CDS1: variants seen among roughly 807,000 people sequenced by gnomAD.
CDS1 encodes the protein phosphatidate cytidylyltransferase 1.
CDS1 carries 41 observed loss-of-function variants against 62.1 expected under a neutral mutation model. The ratio of observed to expected loss-of-function variants is 0.66; its 90% CI spans 0.51 to 0.86. The LOEUF (loss-of-function observed/expected upper bound fraction) is 0.86. CDS1 is among the 40% of genes least tolerant of loss of function. CDS1 has a pLI of 0.00. For missense variants in CDS1, 470 were observed against 550.1 expected (o/e 0.85, Z 1.46); for synonymous variants, 185 against 192.6 (o/e 0.96, Z 0.32).
chr4:84,628,394 C>T (rs1261309733), intron 5 of CDS1, among the ~76,000 whole-genome samples: 1 of 152,104 alleles, frequency 6.6e-6, no homozygotes, highest in African/African-American at 2.4e-5. Context: ...TCTGGCATAT[C>T]GAAGGTGCTT....
chr4:84,584,309 G>A (rs141891485), intron 1 of CDS1, among the ~76,000 whole-genome samples: 2,561 of 152,316 alleles, frequency 0.017, 69 homozygotes, highest in African/African-American at 0.06. Context: ...GTGAAGAAAT[G>A]CAGTTTTATG....
intron 2 of CDS1, among the ~76,000 whole-genome samples, chr4:84,607,479 C>T (rs551572380): frequency 1.5e-3 from 230 of 151,430 alleles, no homozygotes; most frequent in African/African-American, 5.3e-3. Context: ...AGTACCACCA[C>T]GCGCAGCTAA....
chr4:84,639,207 T>G (rs1053174314), intron 9 of CDS1, among the ~76,000 whole-genome samples: 1 of 152,192 alleles, frequency 6.6e-6, no homozygotes, highest in African/African-American at 2.4e-5. Context: ...TGTCTCAGCC[T>G]TATCCCAGGC....
rs1287763358 is a variant in CDS1 at position 84,584,450 on chromosome 4, AAGC to A, written c.117+935_117+937del. On this transcript the variant is annotated intron_variant, in intron 1 of 12. Transcript: ENST00000295887. ...AACTGTTTCTAGAAGCATACTTTGG[AAGC>A]AGGCATTGCAGTTTGAATTACAGAA... Among the ~76,000 whole-genome samples the A allele has an allele frequency of 2.6e-5, 4 of 152,340 alleles. No individual in the cohort carries two copies. The East Asian group carries it at 7.7e-4, about 29-fold the overall frequency.
chr4:84,645,579 A>G (rs1239131644), intron 12 of CDS1, among the ~76,000 whole-genome samples: 1 of 152,202 alleles, frequency 6.6e-6, no homozygotes, highest in African/African-American at 2.4e-5. Flanking sequence ...TGGATGGTAT[A>G]GGATTTGAAA....
chr4:84,608,465 C>T (rs775956572), intron 2 of CDS1, among the ~76,000 whole-genome samples: 39 of 152,246 alleles, frequency 2.6e-4, no homozygotes, highest in Non-Finnish European at 4.0e-4. Context: ...TGAGCCACCA[C>T]GCCCGGCCAA....
chr4:84,642,570 C>T (rs1724418494), intron 10 of CDS1, among the ~76,000 whole-genome samples: 3 of 152,008 alleles, frequency 2.0e-5, no homozygotes, highest in Admixed American at 2.0e-4. Flanking sequence ...TGTGTTTTTC[C>T]ACAGCATTCA....
chr4:84,637,066 A>G (rs574708855), intron 8 of CDS1, among the ~76,000 whole-genome samples: 54 of 152,136 alleles, frequency 3.5e-4, no homozygotes, highest in Non-Finnish European at 6.5e-4. Flanking sequence ...TCTTCCAAAA[A>G]CCTCTGTAAA....
At chr4:84,643,292 C>T (rs964775834) in intron 11 of CDS1, 149 bp downstream of exon 11, 5 of 643,502 alleles carry the variant, frequency 7.8e-6, no homozygotes, top group East Asian at 2.7e-5. Flanking sequence ...AATGCTGCCA[C>T]GTTGATCTGA....
chr4:84,634,335 T>A (rs1324823176), intron 7 of CDS1, among the ~76,000 whole-genome samples: 1 of 152,194 alleles, frequency 6.6e-6, no homozygotes, highest in Non-Finnish European at 1.5e-5. Flanking sequence ...AATGCATGTT[T>A]TTCTAGGTGA....
chr4:84,646,379 G>T (rs1724558399), intron 12 of CDS1, among the ~76,000 whole-genome samples: 1 of 151,624 alleles, frequency 6.6e-6, no homozygotes, highest in South Asian at 2.1e-4. Flanking sequence ...TCAATATGCT[G>T]TTCTTTTTTT....
intron 1 of CDS1, among the ~76,000 whole-genome samples, chr4:84,593,723 C>G (rs541303111): frequency 3.9e-5 from 6 of 152,042 alleles, no homozygotes; most frequent in Non-Finnish European, 8.8e-5. Flanking sequence ...AAGCTGGTCT[C>G]GAACTCCTGA....
At chr4:84,622,735 TGA>T (rs1323980846) in intron 5 of CDS1, among the ~76,000 whole-genome samples, 2 of 152,340 alleles carry the variant, frequency 1.3e-5, no homozygotes, top group South Asian at 2.1e-4. Context: ...CCCACCGCTT[TGA>T]GAGTTTTTCC....
At chr4:84,595,194 T>TTTTCTGGAGCTGG (rs1442766268) in intron 1 of CDS1, among the ~76,000 whole-genome samples, 1 of 152,104 alleles carries the variant, frequency 6.6e-6, no homozygotes, top group African/African-American at 2.4e-5. Flanking sequence ...CTGTTTCTTG[T>TTTTCTGGAGCTGG]TTTCTGGAGC....
At chr4:84,641,985 G>C (rs138351174) in intron 10 of CDS1, among the ~76,000 whole-genome samples, 4 of 152,136 alleles carry the variant, frequency 2.6e-5, no homozygotes, top group Non-Finnish European at 5.9e-5. Context: ...TATACTGCTA[G>C]TGTTTGATTA....
At chr4:84,607,325 C>T (rs927111440) in intron 2 of CDS1, among the ~76,000 whole-genome samples, 2 of 151,656 alleles carry the variant, frequency 1.3e-5, no homozygotes, top group African/African-American at 4.8e-5. Context: ...GCTCTGCCAC[C>T]CAGGCTGGAG....
At chr4:84,614,848 T>C (rs745479157) in intron 3 of CDS1, among the ~76,000 whole-genome samples, 6 of 152,196 alleles carry the variant, frequency 3.9e-5, no homozygotes, top group Non-Finnish European at 8.8e-5. Context: ...ATGCTACATA[T>C]TGTTTTGAAA....
At chr4:84,618,451 G>C (rs570530134) in intron 4 of CDS1, among the ~76,000 whole-genome samples, 1 of 152,206 alleles carries the variant, frequency 6.6e-6, no homozygotes, top group African/African-American at 2.4e-5. Context: ...TTATTAAGAA[G>C]AGAAGATAAA....
At chr4:84,634,383 G>A (rs1041554953) in intron 7 of CDS1, among the ~76,000 whole-genome samples, 3 of 152,282 alleles carry the variant, frequency 2.0e-5, no homozygotes, top group South Asian at 2.1e-4. Flanking sequence ...CTGTGTAGGA[G>A]TGGGTTTCCA....
Sources: gnomAD v4.1 joint callset for allele counts (sites outside exome capture counted in the v4.1 genomes callset) on GRCh38, gnomAD v4.1.1 for gene constraint, MANE v1.5 for transcripts, NCBI Gene and HGNC (gene_info 2026-07-23, HGNC 2026-07-21) for gene names.